Variants in SV2C observed in about 807,000 individuals in gnomAD.
SV2C encodes the protein solute carrier family 22 member B3.
Under a neutral mutation model 79.7 loss-of-function variants are expected in SV2C, and 49 were observed. The observed-to-expected ratio is 0.61, with a 90% CI of 0.49 to 0.78. SV2C has a LOEUF of 0.78. Ranked by LOEUF, SV2C falls within the 30% of genes least tolerant of loss-of-function variation. The probability of loss-of-function intolerance (pLI) is 0.00; values close to 1 mark genes in which losing one functional copy is unlikely to be tolerated. For synonymous variants in SV2C, 334 were observed against 333.2 expected, an observed-to-expected ratio of 1.00 and a Z score of -0.03; for missense variants, 833 against 912.9, an observed-to-expected ratio of 0.91 and a Z score of 1.13.
intron 5 of SV2C, 39 bp downstream of exon 5, chr5:76,285,334 C>G (rs1392609190): frequency 6.2e-7 from 1 of 1,605,502 alleles, no homozygotes. Context: ...TAGCCCACCT[C>G]TATTGGAAAA....
chr5:76,286,436 G>A (rs772316761), intron 6 of SV2C, among the ~76,000 whole-genome samples: 1 of 152,082 alleles, frequency 6.6e-6, no homozygotes, highest in Non-Finnish European at 1.5e-5. Context: ...AGATGTCAGA[G>A]AGACATCTTA....
chr5:76,050,570 A>ATCTC, the SV2C span, among the ~76,000 whole-genome samples: 1 of 150,372 alleles, frequency 6.7e-6, no homozygotes, highest in East Asian at 1.9e-4. Context: ...CTAATTCTTG[A>ATCTC]TCTCTCTCTC....
chr5:76,335,414 CTTTTTTT>C (rs869230352), downstream of SV2C, among the ~76,000 whole-genome samples: 3,106 of 98,090 alleles, frequency 0.032, 32 homozygotes, highest in South Asian at 0.097. Context: ...ACACATTTTC[CTTTTTTT>C]TTTTTTTTTT....
the SV2C span, among the ~76,000 whole-genome samples, chr5:76,028,556 T>C: frequency 1.3e-5 from 2 of 152,154 alleles, no homozygotes; most frequent in African/African-American, 4.8e-5. Context: ...TGGCAGCAAA[T>C]CATCATGGCC....
chr5:76,070,121 C>A, the SV2C span, among the ~76,000 whole-genome samples: 1 of 152,230 alleles, frequency 6.6e-6, no homozygotes, highest in East Asian at 1.9e-4. Flanking sequence ...AGGGCCCCAG[C>A]CCACACCCAG....
At chr5:76,042,026 C>G in the SV2C span, among the ~76,000 whole-genome samples, 1 of 152,162 alleles carries the variant, frequency 6.6e-6, no homozygotes, top group African/African-American at 2.4e-5. Flanking sequence ...CCAGGCTCCT[C>G]CATCCCACCT....
At chr5:76,002,788 T>A in the SV2C span, among the ~76,000 whole-genome samples, 2 of 151,982 alleles carry the variant, frequency 1.3e-5, no homozygotes, top group Non-Finnish European at 2.9e-5. Context: ...CACTAAGAAG[T>A]GTAGATAAAA....
the SV2C span, among the ~76,000 whole-genome samples, chr5:75,902,005 A>T: frequency 1.3e-5 from 2 of 152,064 alleles, no homozygotes; most frequent in African/African-American, 4.8e-5. Context: ...CCTTTCTTTG[A>T]CTAGGAAAGG....
intron 12 of SV2C, among the ~76,000 whole-genome samples, chr5:76,308,877 T>C (rs962239790): frequency 4.6e-5 from 7 of 152,236 alleles, no homozygotes; most frequent in African/African-American, 1.7e-4. Context: ...GTTTATTTAC[T>C]CAACAACTAT....
chr5:76,230,277 A>G (rs1385089849), intron 4 of SV2C, among the ~76,000 whole-genome samples: 2 of 152,086 alleles, frequency 1.3e-5, no homozygotes, highest in Admixed American at 1.3e-4. Flanking sequence ...CATGGAAGAG[A>G]ATGAGAGTGA....
At chr5:75,993,361 A>T in the SV2C span, among the ~76,000 whole-genome samples, 1 of 152,006 alleles carries the variant, frequency 6.6e-6, no homozygotes, top group Non-Finnish European at 1.5e-5. Flanking sequence ...TCACGCTACT[A>T]TGCAAAGCGA....
rs190283881 is a variant in SV2C at position 76,196,160 on chromosome 5, T to C, written c.761+1061T>C. Reference sequence around the variant, plus strand: ...GAAAAGAGGTCAGAGGACTATAGCATGTCTTTCTTAATTATGTATAGTAGC... The same window carrying C: ...GAAAAGAGGTCAGAGGACTATAGCACGTCTTTCTTAATTATGTATAGTAGC... On this transcript the variant is annotated intron_variant, in intron 3 of 12. Transcript: ENST00000502798. 4.3e-3 allele frequency among the ~76,000 whole-genome samples: 651 copies of C among 152,314 alleles called. 4 individuals carry two copies. Among genetic ancestry groups the C allele is most frequent in the Non-Finnish European group, 7.2e-3 (487 of 68,034 alleles).
chr5:76,269,045 C>CA (rs1746759684), intron 4 of SV2C, among the ~76,000 whole-genome samples: 1 of 152,206 alleles, frequency 6.6e-6, no homozygotes, highest in Admixed American at 6.5e-5. Flanking sequence ...TCACCTATGA[C>CA]ATGGATGGAC....
chr5:75,901,551 G>C, the SV2C span, among the ~76,000 whole-genome samples: 3 of 152,248 alleles, frequency 2.0e-5, no homozygotes, highest in Non-Finnish European at 2.9e-5. Context: ...GGACCCACTT[G>C]AGGGGGCAAT....
At chr5:75,911,680 A>T in the SV2C span, 18 of 692,670 alleles carry the variant, frequency 2.6e-5, no homozygotes, top group Non-Finnish European at 4.4e-5. Context: ...CACCTTAATG[A>T]CATCTCAGAT....
the SV2C span, among the ~76,000 whole-genome samples, chr5:75,850,172 C>G: frequency 1.3e-5 from 2 of 152,264 alleles, no homozygotes; most frequent in East Asian, 3.9e-4. Context: ...ACACTCTCAT[C>G]AAGCTGTTCA....
At chr5:76,019,607 C>G in the SV2C span, among the ~76,000 whole-genome samples, 1,084 of 152,294 alleles carry the variant, frequency 7.1e-3, 17 homozygotes, top group African/African-American at 0.025. Flanking sequence ...AGCTTCACCA[C>G]TGCCACATAT....
chr5:75,882,820 A>G, the SV2C span, among the ~76,000 whole-genome samples: 5 of 152,136 alleles, frequency 3.3e-5, no homozygotes, highest in African/African-American at 1.2e-4. Flanking sequence ...CAATGGCAAC[A>G]AAAGCCAAAA....
rs1749023981 is a variant in SV2C at position 76,326,834 on chromosome 5, G to A, written c.*1287G>A. 6.6e-6 allele frequency: 1 copy of A among 152,234 alleles called. No individual in the cohort carries two copies. The highest frequency in any genetic ancestry group is 2.4e-5 in the African/African-American group (1 of 41,426). 9.4% of individuals were successfully genotyped at this position (152,234 alleles called of 1,614,324 possible). On this transcript the variant is annotated 3_prime_UTR_variant, in exon 13 of 13. Transcript: ENST00000502798. The stretch of plus-strand genomic sequence containing the variant: ...AGAGGTCAGCCAGGACATTCCCACG[G>A]GCCCGCTGTCAGCTACATGACCTTC...
Sources: allele counts gnomAD v4.1 joint callset (sites outside exome capture counted in the v4.1 genomes callset), GRCh38; gene constraint gnomAD v4.1.1; transcripts MANE v1.5; gene names NCBI Gene and HGNC (gene_info 2026-07-23, HGNC 2026-07-21).